FBXO25: variants seen among roughly 807,000 people sequenced by gnomAD.
The protein encoded by FBXO25 is F-box protein 25.
FBXO25 carries 45 observed loss-of-function variants against 51.9 expected under a neutral mutation model. The ratio of observed to expected loss-of-function variants is 0.87; its 90% confidence interval spans 0.68 to 1.11. FBXO25 has a LOEUF of 1.11. FBXO25 is among the 50% of genes most tolerant of loss of function. FBXO25 has a pLI of 0.00. For missense variants in FBXO25, 507 were observed against 428.5 expected (o/e 1.18, Z -1.62); for synonymous variants, 199 against 151.0 (o/e 1.32, Z -2.33).
intron 5 of FBXO25, among the ~76,000 whole-genome samples, chr8:447,378 C>T (rs759125666): frequency 1.3e-5 from 2 of 152,078 alleles, no homozygotes; most frequent in Non-Finnish European, 2.9e-5. Context: ...CTCTGAAATG[C>T]CTGTTAGAGA....
chr8:427,967 T>A (rs367695986), intron 2 of FBXO25, among the ~76,000 whole-genome samples: 137 of 152,022 alleles, frequency 9.0e-4, no homozygotes, highest in Admixed American at 5.4e-3. Context: ...GAAGATTAAG[T>A]CCTTGTTATC....
chr8:425,354 A>G (rs1585024334), intron 2 of FBXO25, among the ~76,000 whole-genome samples: 1 of 150,450 alleles, frequency 6.6e-6, no homozygotes, highest in Admixed American at 6.6e-5. Context: ...TCTTTTCCTT[A>G]TCTTTTACAA....
At chr8:424,323 C>G (rs946428450) in intron 2 of FBXO25, among the ~76,000 whole-genome samples, 6 of 152,210 alleles carry the variant, frequency 3.9e-5, no homozygotes, top group Admixed American at 3.9e-4. Flanking sequence ...TGTCTATATT[C>G]TCTGTCAATA....
intron 9 of FBXO25, among the ~76,000 whole-genome samples, chr8:464,058 T>A (rs1486598374): frequency 6.6e-6 from 1 of 152,178 alleles, no homozygotes; most frequent in African/African-American, 2.4e-5. Flanking sequence ...CAGCCCCGAC[T>A]TCTGGGCTCA....
At chr8:430,456 A>G (rs35310547) in intron 2 of FBXO25, among the ~76,000 whole-genome samples, 2,746 of 151,934 alleles carry the variant, frequency 0.018, 39 homozygotes, top group Non-Finnish European at 0.032. Context: ...TTTTTTTTTA[A>G]TAAAAGTGAA....
At chr8:443,020 A>C (rs1798524702) in intron 5 of FBXO25, among the ~76,000 whole-genome samples, 1 of 152,108 alleles carries the variant, frequency 6.6e-6, no homozygotes, top group African/African-American at 2.4e-5. Flanking sequence ...AAGGTCCAAG[A>C]AATGACAGTG....
chr8:422,907 G>T (rs868235722), intron 2 of FBXO25, among the ~76,000 whole-genome samples: 41 of 152,238 alleles, frequency 2.7e-4, no homozygotes, highest in African/African-American at 9.6e-4. Context: ...CACAGGTCAG[G>T]ACTCCCTGAA....
At chr8:432,574 T>G (rs1242670172) in intron 3 of FBXO25, among the ~76,000 whole-genome samples, 1 of 152,172 alleles carries the variant, frequency 6.6e-6, no homozygotes, top group Non-Finnish European at 1.5e-5. Context: ...AACTTTTTAT[T>G]AGGGTACATA....
At chr8:437,997 T>C (rs1037736290) in intron 5 of FBXO25, among the ~76,000 whole-genome samples, 16 of 152,142 alleles carry the variant, frequency 1.1e-4, no homozygotes, top group Non-Finnish European at 1.8e-4. Context: ...GGTTTCCTTT[T>C]TTTCTAATGG....
intron 5 of FBXO25, among the ~76,000 whole-genome samples, chr8:449,101 T>C (rs1798914503): frequency 1.3e-5 from 2 of 152,080 alleles, no homozygotes; most frequent in Admixed American, 6.5e-5. Flanking sequence ...AGATTTCAGA[T>C]TGAATCAAAA....
chr8:445,408 G>C lies in FBXO25; in HGVS notation c.382-4582G>C, dbSNP rs997883918. The stretch of plus-strand genomic sequence containing the variant: ...TATTTCTTCCCCTAGTGGAGCAGCA[G>C]TTCCAAACCCAAATGTTGTCTCAGG... On this transcript the variant is annotated intron_variant, in intron 5 of 9. Coordinates refer to ENST00000350302, the MANE Select transcript of FBXO25 (RefSeq NM_183420.2). Among the ~76,000 whole-genome samples, 4 of 152,310 alleles carry C rather than the reference G, an allele frequency of 2.6e-5. No individual in the cohort carries two copies. The South Asian group carries it at 8.3e-4, about 32-fold the overall frequency.
chr8:465,551 C>A (rs984598125), intron 9 of FBXO25, among the ~76,000 whole-genome samples: 4 of 152,222 alleles, frequency 2.6e-5, no homozygotes, highest in African/African-American at 7.2e-5. Flanking sequence ...CAGTCCTTCG[C>A]TTCCACATTG....
rs531969201 is a variant in FBXO25 at position 469,978 on chromosome 8, C to A, written c.*1174C>A. On this transcript the variant is annotated 3_prime_UTR_variant, in exon 10 of 10. Transcript: ENST00000350302. ...TGTCAAATTATAGTTTCTCCTGAGGCGATGCAAATACCTGGGGCCTCTGCG... is the reference window on the plus strand; with the variant it reads ...TGTCAAATTATAGTTTCTCCTGAGGAGATGCAAATACCTGGGGCCTCTGCG... 1 of 152,168 alleles carries A rather than the reference C, an allele frequency of 6.6e-6. No homozygotes were observed. Among genetic ancestry groups the A allele is most frequent in the South Asian group, 2.1e-4 (1 of 4,832 alleles). The allele number at this position is 152,168 out of a possible 1,614,324, so 9.4% of individuals were successfully genotyped here.
rs36051355 is a variant in FBXO25 at position 424,118 on chromosome 8, A to ATTT, written c.135-7207_135-7205dup. Among the ~76,000 whole-genome samples the ATTT allele has an allele frequency of 2.0e-3, 244 of 120,612 alleles. 2 individuals are homozygous for ATTT. Among genetic ancestry groups the ATTT allele is most frequent in the African/African-American group, 7.0e-3 (230 of 32,626 alleles). The allele number at this position is 120,612 out of a possible 152,430, so 79.1% of individuals were successfully genotyped here. On this transcript the variant is annotated intron_variant, in intron 2 of 9. Transcript: ENST00000350302. The stretch of plus-strand genomic sequence containing the variant: ...AAGTGCCTGTTCATGTCCTTTGCCC[A>ATTT]TTTTTTTTTTTTTTTTTTGAGACAG...
intron 2 of FBXO25, among the ~76,000 whole-genome samples, chr8:425,382 G>T (rs1797410417): frequency 6.7e-6 from 1 of 149,218 alleles, no homozygotes. Flanking sequence ...ATTTTCTTCT[G>T]TTAGCACTTG....
chr8:468,349 G>C (rs1585115903), intron 9 of FBXO25: 1 of 837,872 alleles, frequency 1.2e-6, no homozygotes, highest in South Asian at 5.4e-5. Context: ...ACAGGACAAA[G>C]GAATGGCTGG....
chr8:458,689 T>G (rs1365741730), intron 8 of FBXO25, 138 bp downstream of exon 8: 1 of 786,730 alleles, frequency 1.3e-6, no homozygotes, highest in African/African-American at 1.8e-5. Context: ...AATCAGAGTT[T>G]ATTGAGATTG....
At chr8:468,197 G>A in intron 9 of FBXO25, 1 of 1,011,940 alleles carries the variant, frequency 9.9e-7, no homozygotes, top group Non-Finnish European at 1.2e-6. Flanking sequence ...AGCATGGCCA[G>A]CTCCCTTGGA....
rs1029697538 is a variant in FBXO25, at chr8:475,830, C to T, written c.*7026C>T. On this transcript the variant is annotated 3_prime_UTR_variant, in exon 10 of 10. Transcript: ENST00000350302. The stretch of plus-strand genomic sequence containing the variant: ...GGATTTTCTACATATAAGATCATGT[C>T]ATCTGCAAACAGATAATTTTGCTTC... The T allele has an allele frequency of 6.6e-6, 1 of 152,088 alleles. No individual in the cohort carries two copies. Among genetic ancestry groups the T allele is most frequent in the African/African-American group, 2.4e-5 (1 of 41,428 alleles). 9.4% of individuals were successfully genotyped at this position (152,088 alleles called of 1,614,324 possible).
Sources: gnomAD v4.1 joint callset for allele counts (sites outside exome capture counted in the v4.1 genomes callset) on GRCh38, gnomAD v4.1.1 for gene constraint, MANE v1.5 for transcripts, NCBI Gene and HGNC (gene_info 2026-07-23, HGNC 2026-07-21) for gene names.